MAP4K4: variants seen among roughly 807,000 people sequenced by gnomAD.
MAP4K4 encodes the protein HPK/GCK-like kinase HGK.
In MAP4K4, 38 loss-of-function variants were observed where a neutral mutation model predicts 189.6. The ratio of observed to expected loss-of-function variants is 0.20; its 90% CI spans 0.15 to 0.26. MAP4K4 has a LOEUF of 0.26. Ranked by LOEUF, MAP4K4 falls within the 10% of genes least tolerant of loss-of-function variation. The probability of loss-of-function intolerance (pLI) is 1.00; values close to 1 mark genes in which losing one functional copy is unlikely to be tolerated. For missense variants in MAP4K4, 1,054 were observed against 1,726.9 expected (o/e 0.61, Z 6.91); for synonymous variants, 610 against 624.3 (o/e 0.98, Z 0.34).
At chr2:101,853,562 A>G (rs2097351655) in intron 12 of MAP4K4, among the ~76,000 whole-genome samples, 1 of 152,202 alleles carries the variant, frequency 6.6e-6, no homozygotes, top group South Asian at 2.1e-4. Context: ...TAGATGCTCT[A>G]GGAAGTGAAT....
intron 2 of MAP4K4, among the ~76,000 whole-genome samples, chr2:101,790,272 T>A (rs1021706520): frequency 7.3e-5 from 11 of 150,902 alleles, no homozygotes; most frequent in East Asian, 3.9e-4. Context: ...TTGGGGATCA[T>A]TTTTTTTTCC....
intron 2 of MAP4K4, among the ~76,000 whole-genome samples, chr2:101,774,204 C>A (rs1468590746): frequency 6.6e-6 from 1 of 152,220 alleles, no homozygotes; most frequent in African/African-American, 2.4e-5. Context: ...CTTTTCTCCT[C>A]ATCCTCGCCA....
At chr2:101,701,276 T>C (rs1012890623) in intron 2 of MAP4K4, among the ~76,000 whole-genome samples, 1 of 152,184 alleles carries the variant, frequency 6.6e-6, no homozygotes. Context: ...ATATGTCGTA[T>C]GAAATAGCTT....
intron 1 of MAP4K4, 135 bp from the exon 2 acceptor site, chr2:101,698,338 C>T: frequency 1.1e-6 from 1 of 878,552 alleles, no homozygotes; most frequent in Non-Finnish European, 1.8e-6. Context: ...GCCGCGCGAC[C>T]CCCGGGCGCT....
chr2:101,802,032 T>A (rs1411019246), intron 3 of MAP4K4, among the ~76,000 whole-genome samples: 4 of 152,232 alleles, frequency 2.6e-5, no homozygotes, highest in Non-Finnish European at 4.4e-5. Context: ...GTCAGAATAA[T>A]CTTGGTAGAT....
intron 7 of MAP4K4, among the ~76,000 whole-genome samples, chr2:101,832,913 C>T (rs2149441578): frequency 6.6e-6 from 1 of 151,976 alleles, no homozygotes; most frequent in South Asian, 2.1e-4. Context: ...AGTTTGTTTC[C>T]TGTAAACTGG....
intron 32 of MAP4K4, 100 bp from the exon 33 acceptor site, chr2:101,891,066 T>G: frequency 1.1e-6 from 1 of 912,488 alleles, no homozygotes; most frequent in Non-Finnish European, 1.8e-6. Context: ...TCTAAGCTTC[T>G]CGTACTTGAC....
chr2:101,737,459 ATATTTTTTTTTTTT>A (rs1161779999), intron 2 of MAP4K4, among the ~76,000 whole-genome samples: 64 of 31,618 alleles, frequency 2.0e-3, no homozygotes, highest in African/African-American at 8.6e-3. Context: ...ATATATATAT[ATATTTTTTTTTTTT>A]TTTTTTTTTT....
At chr2:101,835,705 C>T (rs544199339) in intron 8 of MAP4K4, among the ~76,000 whole-genome samples, 195 bp from the exon 9 acceptor site, 3 of 152,240 alleles carry the variant, frequency 2.0e-5, no homozygotes, top group African/African-American at 7.2e-5. Context: ...TGCTCTTGTC[C>T]TCCCACTTTG....
chr2:101,882,560 A>G (rs757928649), exon 28 of MAP4K4: 5 of 1,584,866 alleles, frequency 3.2e-6, no homozygotes, highest in Non-Finnish European at 4.3e-6. Context: ...GGCAAAAAGG[A>G]TAAGTTACGT....
chr2:101,771,394 A>G (rs908444909), intron 2 of MAP4K4, among the ~76,000 whole-genome samples: 17 of 152,170 alleles, frequency 1.1e-4, no homozygotes, highest in African/African-American at 3.4e-4. Flanking sequence ...GAACGGTGCC[A>G]TTTTAGTTAG....
Position 101,713,893 on chromosome 2 carries a change from CAAAA to C in MAP4K4, c.123+15362_123+15365del, listed in dbSNP as rs34414377. 1.3e-3 allele frequency among the ~76,000 whole-genome samples: 196 copies of C among 149,882 alleles called. 1 individual carries two copies. Among genetic ancestry groups the C allele is most frequent in the African/African-American group, 4.5e-3 (183 of 40,888 alleles). ...TGGGTGACAGAGCGAGACTCCATCT[CAAAA>C]AAAAAATTTTCTAATTTCCCATCAT... is the stretch of plus-strand genomic sequence containing the variant. On this transcript the variant is annotated intron_variant, in intron 2 of 32. Transcript: ENST00000324219.
chr2:101,717,769 A>T (rs1285377255), intron 2 of MAP4K4, among the ~76,000 whole-genome samples: 2 of 152,208 alleles, frequency 1.3e-5, no homozygotes, highest in Non-Finnish European at 2.9e-5. Flanking sequence ...GCCTTGGATA[A>T]TGTGATTCTA....
chr2:101,765,677 A>G (rs2078334422), intron 2 of MAP4K4, among the ~76,000 whole-genome samples: 1 of 152,226 alleles, frequency 6.6e-6, no homozygotes, highest in Non-Finnish European at 1.5e-5. Context: ...TGATTCAATG[A>G]GGAAATCTAT....
At chr2:101,823,474 T>C (rs1318594729) in intron 3 of MAP4K4, among the ~76,000 whole-genome samples, 1 of 152,186 alleles carries the variant, frequency 6.6e-6, no homozygotes, top group Non-Finnish European at 1.5e-5. Flanking sequence ...TCGTGCAGGG[T>C]TGTTAGAGGT....
chr2:101,885,313 G>A, intron 29 of MAP4K4, 26 bp downstream of exon 29: 1 of 1,393,848 alleles, frequency 7.2e-7, no homozygotes, highest in Non-Finnish European at 1.0e-6. Flanking sequence ...GAATTTAAAA[G>A]TAGTATTGGC....
At chr2:101,769,293 G>A (rs553336870) in intron 2 of MAP4K4, among the ~76,000 whole-genome samples, 11 of 152,232 alleles carry the variant, frequency 7.2e-5, no homozygotes, top group Non-Finnish European at 1.5e-4. Flanking sequence ...ACCATTAGCC[G>A]GTTCTAGATC....
chr2:101,698,681 C>G, intron 2 of MAP4K4, 143 bp downstream of exon 2: 2 of 739,374 alleles, frequency 2.7e-6, no homozygotes, highest in Non-Finnish European at 4.8e-6. Flanking sequence ...GCCTTGCAGT[C>G]CCTCTGTTTT....
intron 2 of MAP4K4, among the ~76,000 whole-genome samples, chr2:101,723,918 G>A (rs917595572): frequency 3.9e-5 from 6 of 152,074 alleles, no homozygotes; most frequent in African/African-American, 1.4e-4. Context: ...AGGGGCTCCT[G>A]GCCACCATTG....
Sources: gnomAD v4.1 joint callset for allele counts (sites outside exome capture counted in the v4.1 genomes callset) on GRCh38, gnomAD v4.1.1 for gene constraint, MANE v1.5 for transcripts, NCBI Gene and HGNC (gene_info 2026-07-23, HGNC 2026-07-21) for gene names.